Variants in IRX4 observed in about 807,000 individuals in gnomAD.
IRX4 encodes the protein iroquois homeobox 4.
A neutral mutation model predicts 32.0 loss-of-function variants in IRX4; 22 were observed. The observed-to-expected ratio is 0.69, with a 90% CI of 0.49 to 0.98. The LOEUF is 0.98. Ranked by LOEUF, IRX4 falls within the 50% of genes least tolerant of loss-of-function variation. IRX4 has a pLI of 0.00. For missense variants in IRX4, 840 were observed against 744.2 expected (o/e 1.13, Z -1.50); for synonymous variants, 379 against 351.7 (o/e 1.08, Z -0.87).
At chr5:1,886,929 G>A (rs1735650957), upstream of IRX4, 1 of 151,686 alleles carries the variant, frequency 6.6e-6, no homozygotes, top group Admixed American at 6.6e-5. Flanking sequence ...TCGCAGCCCG[G>A]GACGCACCGG....
rs1735299256 is a variant in IRX4, at chr5:1,878,555, C to T, written c.974G>A (p.Ser325Asn). The T allele has an allele frequency of 6.5e-7, 1 of 1,538,830 alleles. No homozygotes were observed. Among genetic ancestry groups the T allele is most frequent in the Non-Finnish European group, 8.7e-7 (1 of 1,144,282 alleles). Residue 325 changes from serine to asparagine, a missense_variant, in exon 5 of 5, where the codon AGC becomes AAC. By Grantham distance (46) the Ser-to-Asn change is conservative. Coordinates refer to ENST00000231357, the MANE Select transcript of IRX4 (RefSeq NM_016358.3). ...ALDEDLERAR[S>N]CLRSAAAGPE... ...CCCGGCCGCCGCGCTGCGGAGACAG[C>T]TCCGGGCCCTCTCCAGGTCCTCGTC...
chr5:1,882,809 C>T lies in IRX4; in HGVS notation c.-162G>A. On this transcript the variant is annotated 5_prime_UTR_variant, in exon 1 of 5. Coordinates refer to ENST00000231357, the MANE Select transcript of IRX4 (RefSeq NM_016358.3). ...CCCGCGCTCCGCAAACTTTTCTAACCGGGTAACAAAGTGAGCAGCGGTGGC... is the reference window on the plus strand; with the variant it reads ...CCCGCGCTCCGCAAACTTTTCTAACTGGGTAACAAAGTGAGCAGCGGTGGC... The T allele has an allele frequency of 4.7e-6, 2 of 424,036 alleles. No individual in the cohort carries two copies. Among genetic ancestry groups the T allele is most frequent in the East Asian group, 7.2e-5 (2 of 27,874 alleles). The allele number at this position is 424,036 out of a possible 1,614,324, so 26.3% of individuals were successfully genotyped here.
At chr5:1,886,807 C>T (rs1413349052), upstream of IRX4, 8 of 152,204 alleles carry the variant, frequency 5.3e-5, no homozygotes, top group East Asian at 1.2e-3. Flanking sequence ...AACTTTGTCC[C>T]CTTAAGCGCA....
chr5:1,885,597 C>T (rs1478703843), upstream of IRX4, among the ~76,000 whole-genome samples: 2 of 152,144 alleles, frequency 1.3e-5, no homozygotes, highest in Non-Finnish European at 2.9e-5. Context: ...GCCTCCTGAC[C>T]CGCCCGGCCT....
Position 1,877,989 on chromosome 5 carries a change from C to A in IRX4, c.1540G>T (p.Gly514Cys). Residue 514 changes from glycine (G) to cysteine (C), a missense_variant, in exon 5 of 5, where the codon GGC (glycine) becomes TGC (cysteine). Gly to Cys is a radical substitution (Grantham distance 159, BLOSUM62 -3). Coordinates refer to ENST00000231357, the MANE Select transcript of IRX4 (RefSeq NM_016358.3). ...RELLALPKAG[G>C]KPFCA ...CCGCCTCAGGCGCAGAAGGGTTTGCCGCCGGCCTTGGGCAGGGCGAGCAGC... is the reference window on the plus strand; with the variant it reads ...CCGCCTCAGGCGCAGAAGGGTTTGCAGCCGGCCTTGGGCAGGGCGAGCAGC... The A allele has an allele frequency of 6.7e-7, 1 of 1,503,222 alleles. No individual in the cohort carries two copies. The highest frequency in any genetic ancestry group is 1.4e-5 in the African/African-American group (1 of 69,676). The allele number at this position is 1,503,222 out of a possible 1,614,324, so 93.1% of individuals were successfully genotyped here.
At chr5:1,882,253 G>C (rs1361648575) in intron 1 of IRX4, among the ~76,000 whole-genome samples, 194 bp from the exon 2 acceptor site, 2 of 150,128 alleles carry the variant, frequency 1.3e-5, no homozygotes, top group East Asian at 4.0e-4. Context: ...GGGCCCAGCC[G>C]AGCACCTACA....
chr5:1,880,451 T>C (rs1340625319), intron 3 of IRX4, among the ~76,000 whole-genome samples: 1 of 152,174 alleles, frequency 6.6e-6, no homozygotes, highest in Non-Finnish European at 1.5e-5. Flanking sequence ...CAGATTCGAC[T>C]TCCCTGAAAG....
At position 1,879,434 on chromosome 5, in the gene IRX4, T is replaced by C. The variant is rs540454659; in HGVS notation, c.736+70A>G. The C allele has an allele frequency of 1.9e-6, 3 of 1,609,004 alleles. No individual in the cohort carries two copies. In the East Asian group the frequency reaches 6.7e-5, roughly 36 times the overall value. On this transcript the variant is annotated intron_variant, in intron 4 of 4. Transcript: ENST00000231357. ...GGCGTTTGGGACCCCCAAGACGTCC[T>C]AGAACCGCAGAGAAGGCACTGTGCC...
rs557634369 is a variant in IRX4, at chr5:1,878,521, T to A, written c.1008A>T (p.Pro336=). Residue 336 remains proline, a synonymous_variant, in exon 5 of 5, where the codon CCA becomes CCT. Transcript: ENST00000231357. ...GAGGGCCGCCCTCTGCGCCCGGCAGTGGCTCCGGCCCGGCCGCCGCGCTGC... is the reference window on the plus strand; with the variant it reads ...GAGGGCCGCCCTCTGCGCCCGGCAGAGGCTCCGGCCCGGCCGCCGCGCTGC... ...CLRSAAAGPE[P]LPGAEGGPQV... 241 of 1,436,368 alleles carry A rather than the reference T, an allele frequency of 1.7e-4. 4 individuals carry two copies. The South Asian group carries it at 3.4e-3, about 20-fold the overall frequency. 89.0% of individuals were successfully genotyped at this position (1,436,368 alleles called of 1,614,324 possible).
rs772278717 is a variant in IRX4, at chr5:1,879,757, C to T, written c.483G>A (p.Leu161=). Residue 161 remains leucine (L), a synonymous_variant, in exon 4 of 5, where the codon CTG becomes CTA. Coordinates refer to ENST00000231357, the MANE Select transcript of IRX4 (RefSeq NM_016358.3). The part of the protein sequence containing the change: ...RETTSTLKAW[L]QEHRKNPYPT... ...GGTAGGGGTTCTTGCGGTGCTCCTG[C>T]AGCCAGGCCTTGAGCGTGCTGGTGG... 3.7e-6 allele frequency: 6 copies of T among 1,614,114 alleles called. No individual in the cohort carries two copies. The South Asian group carries it at 6.6e-5, about 18-fold the overall frequency.
In IRX4 at chr5:1,878,572, G is replaced by A; in HGVS notation, c.957C>T (p.Asp319=). 1 of 1,547,294 alleles carries A rather than the reference G, an allele frequency of 6.5e-7. No homozygotes were observed. The highest frequency in any genetic ancestry group is 8.7e-7 in the Non-Finnish European group (1 of 1,147,156). Residue 319 remains aspartate (D), a synonymous_variant, in exon 5 of 5, where the codon GAC becomes GAT. Transcript: ENST00000231357. Reference sequence around the variant, plus strand: ...GGAGACAGCTCCGGGCCCTCTCCAGGTCCTCGTCCAGAGCAGCTCCGCCAC... The same window carrying A: ...GGAGACAGCTCCGGGCCCTCTCCAGATCCTCGTCCAGAGCAGCTCCGCCAC... ...AAGGGAALDE[D]LERARSCLRS... is the part of the protein sequence containing the mutation.
chr5:1,882,592 G>C lies in IRX4; in HGVS notation c.45+11C>G. On this transcript the variant is annotated intron_variant, in intron 1 of 4. Coordinates refer to ENST00000231357, the MANE Select transcript of IRX4 (RefSeq NM_016358.3). ...CCTGCGGTGGCCTGGGCGGGGCGGG[G>C]CTCCGCTTACCTGGGGAGCCGAGGA... 3 of 1,484,844 alleles carry C rather than the reference G, an allele frequency of 2.0e-6. No homozygotes were observed. The highest frequency in any genetic ancestry group is 2.7e-6 in the Non-Finnish European group (3 of 1,121,998). The allele number at this position is 1,484,844 out of a possible 1,614,324, so 92.0% of individuals were successfully genotyped here.
rs867609489 is a variant in IRX4, at chr5:1,878,147, T to C, written c.1382A>G (p.Lys461Arg). The C allele has an allele frequency of 1.1e-5, 17 of 1,559,184 alleles. No homozygotes were observed. In the African/African-American group the frequency reaches 1.8e-4, roughly 16 times the overall value. The change falls in exon 5 of 5, where the codon AAG becomes AGG. Residue 461 changes from lysine to arginine, a missense_variant. Lys to Arg is a conservative substitution (Grantham distance 26, BLOSUM62 2). This residue lies in a region of IRX4 where 585 missense variants were observed against 488.0 expected (regional missense o/e 1.20). Transcript: ENST00000231357. ...AGGCCCGGGGTCCAGGAGGGCGCCC[T>C]TGGCGGTGGCCCAGGCCTGGTTCAA... ...STLNQAWATA[K>R]GALLDPGPLG...
rs1735464875 is a variant in IRX4, at chr5:1,882,016, C to G, written c.89G>C (p.Gly30Ala). The G allele has an allele frequency of 6.5e-7, 1 of 1,548,106 alleles. No individual in the cohort carries two copies. Among genetic ancestry groups the G allele is most frequent in the Non-Finnish European group, 8.7e-7 (1 of 1,146,912 alleles). Reference sequence around the variant, plus strand: ...CCCGGAGTCCGCCAGCGTGCGGCCTCCGGACTCGCAGCACGTGCTCAGGGA... The same window carrying G: ...CCCGGAGTCCGCCAGCGTGCGGCCTGCGGACTCGCAGCACGTGCTCAGGGA... ...TNSLSTCCES[G>A]GRTLADSGPA... Residue 30 changes from glycine (G) to alanine (A), a missense_variant, in exon 2 of 5, where the codon GGA becomes GCA. Gly to Ala is a moderately conservative substitution (Grantham distance 60). Around this residue, in one of 3 missense-constraint regions of IRX4, gnomAD observed 241 missense variants for 220.8 expected, o/e 1.09. Coordinates refer to ENST00000231357, the MANE Select transcript of IRX4 (RefSeq NM_016358.3).
Position 1,882,803 on chromosome 5 carries a change from T to A in IRX4, c.-156A>T. The A allele has an allele frequency of 2.3e-6, 1 of 428,064 alleles. No individual in the cohort carries two copies. Among genetic ancestry groups the A allele is most frequent in the Admixed American group, 4.4e-5 (1 of 22,708 alleles). 26.5% of individuals were successfully genotyped at this position (428,064 alleles called of 1,614,324 possible). A position where few individuals can be genotyped will look rare whatever the true frequency, so the allele number is the denominator to read the frequency against. ...TCCATCCCCGCGCTCCGCAAACTTT[T>A]CTAACCGGGTAACAAAGTGAGCAGC... On this transcript the variant is annotated 5_prime_UTR_variant, in exon 1 of 5. Transcript: ENST00000231357.
upstream of IRX4, chr5:1,884,029 C>G (rs569656959): frequency 6.6e-6 from 1 of 152,444 alleles, no homozygotes; most frequent in African/African-American, 2.4e-5. Context: ...AGCGCCCACC[C>G]CAGGACTCCC....
At chr5:1,880,086 C>T (rs1251229354) in intron 3 of IRX4, 9 of 1,535,256 alleles carry the variant, frequency 5.9e-6, no homozygotes, top group Non-Finnish European at 6.1e-6. Flanking sequence ...GGCTCCTTCC[C>T]AAGCCAGAGA....
Position 1,882,637 on chromosome 5 carries a change from G to A in IRX4, c.11C>T (p.Pro4Leu). The change falls in exon 1 of 5, where the codon CCG becomes CTG. Residue 4 changes from proline to leucine, a missense_variant. Physicochemically the swap from Pro to Leu is moderately conservative, Grantham distance 98. Transcript: ENST00000231357. MSY[P>L]QFGYPYSSAP... ...CGAGGAGTAGGGGTATCCAAACTGC[G>A]GGTAGGACATGGCGGGCGCGGCCCG... 3 of 1,416,654 alleles carry A rather than the reference G, an allele frequency of 2.1e-6. No homozygotes were observed. Among genetic ancestry groups the A allele is most frequent in the Non-Finnish European group, 2.8e-6 (3 of 1,087,050 alleles). The allele number at this position is 1,416,654 out of a possible 1,614,324, so 87.8% of individuals were successfully genotyped here. A position where few individuals can be genotyped will look rare whatever the true frequency, so the allele number is the denominator to read the frequency against.
intron 3 of IRX4, among the ~76,000 whole-genome samples, chr5:1,880,371 G>A (rs939916638): frequency 1.3e-5 from 2 of 152,226 alleles, no homozygotes; most frequent in African/African-American, 4.8e-5. Context: ...CCCACTGTAG[G>A]GGCAGTGTGG....
Sources: gnomAD v4.1 joint callset for allele counts (sites outside exome capture counted in the v4.1 genomes callset) on GRCh38, gnomAD v4.1.1 for gene constraint, gnomAD v4.1.1 regional missense constraint, MANE v1.5 for transcripts, NCBI Gene and HGNC (gene_info 2026-07-23, HGNC 2026-07-21) for gene names.